Variants in AXIN2 observed in about 807,000 individuals in gnomAD.
AXIN2 encodes the protein axin-2.
In AXIN2, 21 loss-of-function variants were observed where a neutral mutation model predicts 74.7. The observed-to-expected ratio is 0.28, with a 90% confidence interval of 0.20 to 0.40. The LOEUF (loss-of-function observed/expected upper bound fraction) is 0.40, where lower values mean the gene tolerates loss of function less well. AXIN2 is among the 10% of genes least tolerant of loss of function. AXIN2 has a pLI of 1.00. For synonymous variants in AXIN2, 532 were observed against 454.9 expected (o/e 1.17, Z -2.16); for missense variants, 1,144 against 1,111.1 (o/e 1.03, Z -0.42).
chr17:65,554,408 C>G (rs959040543), intron 2 of AXIN2, among the ~76,000 whole-genome samples: 1 of 152,246 alleles, frequency 6.6e-6, no homozygotes, highest in Non-Finnish European at 1.5e-5. Context: ...CAAGCATTTT[C>G]TAAGGCAAGA....
Position 65,528,701 on chromosome 17 carries a change from ATT to A in AXIN2, c.*1273_*1274del, listed in dbSNP as rs1295115877. The A allele has an allele frequency of 2.0e-6, 1 of 512,158 alleles. No individual in the cohort carries two copies. The highest frequency in any genetic ancestry group is 1.9e-5 in the African/African-American group (1 of 52,134). The allele number at this position is 512,158 out of a possible 1,614,324, so 31.7% of individuals were successfully genotyped here. ...AGAACAAAATGTCATGACAAAAGTC[ATT>A]GAGTACAAGACTTGTAATAAAAAGG... On this transcript the variant is annotated 3_prime_UTR_variant, in exon 11 of 11. Transcript: ENST00000307078.
At chr17:65,532,442 G>A (rs1364778897) in intron 10 of AXIN2, among the ~76,000 whole-genome samples, 1 of 152,168 alleles carries the variant, frequency 6.6e-6, no homozygotes, top group Non-Finnish European at 1.5e-5. Flanking sequence ...GCAGCAGCCA[G>A]GCCTGTTCCC....
At chr17:65,534,156 C>T in intron 9 of AXIN2, 77 bp from the exon 10 acceptor site, 1 of 1,544,458 alleles carries the variant, frequency 6.5e-7, no homozygotes, top group Non-Finnish European at 8.9e-7. Flanking sequence ...CACGTGCGCA[C>T]ATGTGCATAA....
intron 8 of AXIN2, 60 bp downstream of exon 8, chr17:65,536,260 A>T: frequency 6.6e-7 from 1 of 1,513,502 alleles, no homozygotes; most frequent in Non-Finnish European, 9.0e-7. Flanking sequence ...TTAGCCACAG[A>T]CCAGGTCTCC....
At chr17:65,531,082 G>A (rs954810345) in intron 10 of AXIN2, among the ~76,000 whole-genome samples, 2 of 152,208 alleles carry the variant, frequency 1.3e-5, no homozygotes, top group Admixed American at 1.3e-4. Flanking sequence ...GTCATTTCCA[G>A]CCCATAAAGG....
At position 65,558,060 on chromosome 17, in the gene AXIN2, G is replaced by A. The variant is rs1598119451; in HGVS notation, c.561C>T (p.Tyr187=). 4 of 1,614,000 alleles carry A rather than the reference G, an allele frequency of 2.5e-6. No individual in the cohort carries two copies. Among genetic ancestry groups the A allele is most frequent in the Non-Finnish European group, 3.4e-6 (4 of 1,180,022 alleles). ...EIQSVMEENA[Y]QMFLTSDIYL... Reference sequence around the variant, plus strand: ...ATATATCAGAAGTCAAAAACATCTGGTAGGCATTTTCCTCCATCACCGACT... The same window carrying A: ...ATATATCAGAAGTCAAAAACATCTGATAGGCATTTTCCTCCATCACCGACT... The change falls in exon 2 of 11, where the codon TAC becomes TAT. Residue 187 remains tyrosine, a synonymous_variant. Transcript: ENST00000307078.
At chr17:65,557,474 T>C (rs1012375833) in intron 2 of AXIN2, among the ~76,000 whole-genome samples, 1 of 152,112 alleles carries the variant, frequency 6.6e-6, no homozygotes, top group Admixed American at 6.6e-5. Context: ...GCTTAGTGGA[T>C]CTGGTGACTC....
At chr17:65,532,294 C>G (rs1377692199) in intron 10 of AXIN2, among the ~76,000 whole-genome samples, 1 of 152,230 alleles carries the variant, frequency 6.6e-6, no homozygotes, top group Non-Finnish European at 1.5e-5. Context: ...GCCAGCGCCA[C>G]ATGGCTCTTC....
rs1482993407 is a variant in AXIN2 at position 65,541,384 on chromosome 17, C to T, written c.1059+71G>A. ...CTTCCCTATACCTCTCCCCATTCCA[C>T]CACCCATTTCTTTTCTTTAGGACTC... On this transcript the variant is annotated intron_variant, in intron 4 of 10. Transcript: ENST00000307078. The T allele has an allele frequency of 8.0e-6, 11 of 1,368,962 alleles. No individual in the cohort carries two copies. The East Asian group carries it at 2.5e-4, about 31-fold the overall frequency. 84.8% of individuals were successfully genotyped at this position (1,368,962 alleles called of 1,614,324 possible).
At chr17:65,552,477 C>G (rs923384114) in intron 2 of AXIN2, among the ~76,000 whole-genome samples, 3 of 152,160 alleles carry the variant, frequency 2.0e-5, no homozygotes, top group African/African-American at 7.2e-5. Context: ...TGTTAGGAAT[C>G]CAGTGATGAG....
In AXIN2 at chr17:65,538,667, C is replaced by CAAAAAAAAAAAAAAAAA. The variant is rs775428814; in HGVS notation, c.1060-341_1060-325dup. 3.7e-3 allele frequency among the ~76,000 whole-genome samples: 133 copies of CAAAAAAAAAAAAAAAAA among 35,828 alleles called. 65 individuals carry two copies. The highest frequency in any genetic ancestry group is 6.4e-3 in the East Asian group (6 of 944). The allele number at this position is 35,828 out of a possible 152,430, so 23.5% of individuals were successfully genotyped here. A position where few individuals can be genotyped will look rare whatever the true frequency, so the allele number is the denominator to read the frequency against. ...ATCTTCAAAGACTGTTGTCAACCATCAAAAAAAAAAAAAAAAAAAAAAAAA... is the reference window on the plus strand; with the variant it reads ...ATCTTCAAAGACTGTTGTCAACCATCAAAAAAAAAAAAAAAAAAAAAAAAAAAAAAAAAAAAAAAAAA... On this transcript the variant is annotated intron_variant, in intron 4 of 10. Coordinates refer to ENST00000307078, the MANE Select transcript of AXIN2 (RefSeq NM_004655.4).
Position 65,557,971 on chromosome 17 carries a change from C to T in AXIN2, c.650G>A (p.Ser217Asn), listed in dbSNP as rs2144583537. The T allele has an allele frequency of 6.2e-7, 1 of 1,614,196 alleles. No homozygotes were observed. The highest frequency in any genetic ancestry group is 8.5e-7 in the Non-Finnish European group (1 of 1,180,040). Residue 217 changes from serine to asparagine, a missense_variant, in exon 2 of 11, where the codon AGC becomes AAC. Around this residue, in one of 4 missense-constraint regions of AXIN2, gnomAD observed 1,053 missense variants for 973.5 expected, o/e 1.08. Coordinates refer to ENST00000307078, the MANE Select transcript of AXIN2 (RefSeq NM_004655.4). The stretch of plus-strand genomic sequence containing the variant: ...GAGATAGCCACACACGACCTTTAGG[C>T]TCCCGAGTCCCCCATTACTCATGTA... The part of the protein sequence containing the change: ...TAYMSNGGLG[S>N]LKVVCGYLPT...
chr17:65,539,187 A>AC (rs150789292), intron 4 of AXIN2, among the ~76,000 whole-genome samples: 5,992 of 150,592 alleles, frequency 0.04, 142 homozygotes, highest in South Asian at 0.099. Context: ...CCCCCACCCA[A>AC]CCCCCCACCT....
chr17:65,537,246 C>T (rs1249836858), intron 6 of AXIN2, 78 bp downstream of exon 6: 19 of 1,599,290 alleles, frequency 1.2e-5, no homozygotes, highest in Non-Finnish European at 1.5e-5. Flanking sequence ...TGTAATGCGG[C>T]TCCCACCTCA....
At chr17:65,546,873 G>A (rs1452815288) in intron 3 of AXIN2, among the ~76,000 whole-genome samples, 3 of 152,146 alleles carry the variant, frequency 2.0e-5, no homozygotes, top group African/African-American at 7.2e-5. Flanking sequence ...AATACTCACA[G>A]GTTCTGCCAC....
In AXIN2 at chr17:65,535,738, G is replaced by A. The variant is rs2144434231; in HGVS notation, c.2142-17C>T. On this transcript the variant is annotated splice_polypyrimidine_tract_variant and intron_variant, in intron 8 of 10. Transcript: ENST00000307078. ...ACACAGCACCTGAGGACACAGCCAG[G>A]GCGAGGGATTTAGAGGTACACTGTT... 1 of 1,610,380 alleles carries A rather than the reference G, an allele frequency of 6.2e-7. No homozygotes were observed.
At chr17:65,544,611 CTA>C in intron 3 of AXIN2, among the ~76,000 whole-genome samples, 1 of 152,288 alleles carries the variant, frequency 6.6e-6, no homozygotes, top group African/African-American at 2.4e-5. Context: ...TATTCAAGCT[CTA>C]AAAGTCTGTG....
At chr17:65,553,908 C>T (rs28485212) in intron 2 of AXIN2, among the ~76,000 whole-genome samples, 28,246 of 150,402 alleles carry the variant, frequency 0.19, 2,885 homozygotes, top group East Asian at 0.25. Context: ...GCTTTATTTC[C>T]TCAGGACTGT....
intron 1 of AXIN2, among the ~76,000 whole-genome samples, chr17:65,559,278 AC>A: frequency 1.7e-5 from 1 of 58,526 alleles, no homozygotes; most frequent in South Asian, 7.6e-4. Context: ...CTCCCCACCC[AC>A]CCCCTCCCTC....
Sources: gnomAD v4.1 joint callset for allele counts (sites outside exome capture counted in the v4.1 genomes callset) on GRCh38, gnomAD v4.1.1 for gene constraint, gnomAD v4.1.1 regional missense constraint, MANE v1.5 for transcripts, NCBI Gene and HGNC (gene_info 2026-07-23, HGNC 2026-07-21) for gene names.